The following RBM46 variants were observed in gnomAD, a reference collection of about 807,000 sequenced individuals.
RBM46 encodes probable RNA-binding protein 46.
In RBM46, 12 loss-of-function variants were observed where a neutral mutation model predicts 43.3. That is an observed-to-expected ratio of 0.28 (90% CI 0.18 to 0.45). The LOEUF is 0.45. Ranked by LOEUF, RBM46 falls within the 20% of genes least tolerant of loss-of-function variation. The pLI, the probability that RBM46 is intolerant of heterozygous loss-of-function variation, is 1.00. For missense variants in RBM46, 412 were observed against 639.1 expected (o/e 0.64, Z 3.83); for synonymous variants, 205 against 207.6 (o/e 0.99, Z 0.11).
chr4:154,797,019 A>T (rs13132063), intron 2 of RBM46, 116 bp downstream of exon 2: 22 of 617,300 alleles, frequency 3.6e-5, no homozygotes, highest in Non-Finnish European at 4.8e-5. Flanking sequence ...GCTTTAAGAC[A>T]TTTTTTTTTT....
At chr4:154,820,496 A>G in intron 4 of RBM46, 1 of 791,314 alleles carries the variant, frequency 1.3e-6, no homozygotes, top group Non-Finnish European at 1.9e-6. Context: ...CCAGTTTCAA[A>G]TTGTTCTTTA....
chr4:154,800,018 G>A (rs1215086122), intron 4 of RBM46, among the ~76,000 whole-genome samples: 4 of 152,136 alleles, frequency 2.6e-5, no homozygotes, highest in South Asian at 2.1e-4. Flanking sequence ...TGATCTGCCC[G>A]CCTCGGCCTC....
At chr4:154,818,788 G>A (rs1444089127) in intron 4 of RBM46, among the ~76,000 whole-genome samples, 2 of 152,028 alleles carry the variant, frequency 1.3e-5, no homozygotes, top group Non-Finnish European at 2.9e-5. Flanking sequence ...ATGTCAGTCT[G>A]TATATTTTCT....
chr4:154,794,656 C>T (rs963324729), intron 1 of RBM46, among the ~76,000 whole-genome samples: 1 of 152,144 alleles, frequency 6.6e-6, no homozygotes, highest in Non-Finnish European at 1.5e-5. Context: ...ATGCCAAGTA[C>T]ACCTTTATAT....
In RBM46 at chr4:154,798,989, T is replaced by C; in HGVS notation, c.827T>C (p.Val276Ala). The change falls in exon 4 of 5, where the codon GTT (valine) becomes GCT (alanine). Residue 276 changes from valine to alanine, a missense_variant. Val to Ala is a moderately conservative substitution (Grantham distance 64). This residue lies in a region of RBM46 where 54 missense variants were observed against 102.5 expected (regional missense o/e 0.53). Coordinates refer to ENST00000281722, the MANE Select transcript of RBM46 (RefSeq NM_144979.5). ...AAGAAACTTAGAGATTATGCTTTTG[T>C]TCACTTTTTCAACCGAGAAGATGCA... ...RVKKLRDYAF[V>A]HFFNREDAVA... 1 of 1,614,130 alleles carries C rather than the reference T, an allele frequency of 6.2e-7. No homozygotes were observed. The highest frequency in any genetic ancestry group is 8.5e-7 in the Non-Finnish European group (1 of 1,180,002).
At position 154,799,541 on chromosome 4, in the gene RBM46, C is replaced by A; in HGVS notation, c.1379C>A (p.Ala460Asp). The change falls in exon 4 of 5, where the codon GCC (alanine) becomes GAC (aspartate). Residue 460 changes from alanine (A) to aspartate (D), a missense_variant. By Grantham distance (126) the Ala-to-Asp change is moderately radical. This residue lies in a region of RBM46 where 149 missense variants were observed against 156.3 expected (regional missense o/e 0.95). Transcript: ENST00000281722. Reference sequence around the variant, plus strand: ...TTAGAAGATGCAAAGGAACTGGCAGCCCAGTTTACATTACTTCATTTGGGT... The same window carrying A: ...TTAGAAGATGCAAAGGAACTGGCAGACCAGTTTACATTACTTCATTTGGGT... ...TTLEDAKELA[A>D]QFTLLHLDYN... The A allele has an allele frequency of 6.4e-7, 1 of 1,566,580 alleles. No individual in the cohort carries two copies. Among genetic ancestry groups the A allele is most frequent in the Non-Finnish European group, 8.6e-7 (1 of 1,159,264 alleles).
At chr4:154,805,593 C>T (rs2111162415) in intron 4 of RBM46, among the ~76,000 whole-genome samples, 1 of 151,840 alleles carries the variant, frequency 6.6e-6, no homozygotes, top group East Asian at 1.9e-4. Context: ...GAAAGTTACA[C>T]TTTTGTGAAA....
At chr4:154,817,215 G>A (rs946171124) in intron 4 of RBM46, among the ~76,000 whole-genome samples, 3 of 151,680 alleles carry the variant, frequency 2.0e-5, no homozygotes, top group African/African-American at 7.3e-5. Flanking sequence ...TTTTGAATAT[G>A]TGGAATATTA....
chr4:154,799,400 A>T lies in RBM46; in HGVS notation c.1238A>T (p.Tyr413Phe), dbSNP rs748542286. The T allele has an allele frequency of 9.3e-6, 15 of 1,614,176 alleles. No individual in the cohort carries two copies. The highest frequency in any genetic ancestry group is 1.3e-5 in the Non-Finnish European group (15 of 1,180,022). Residue 413 changes from tyrosine (Y) to phenylalanine (F), a missense_variant, in exon 4 of 5, where the codon TAT becomes TTT. By Grantham distance (22) the Tyr-to-Phe change is conservative. This residue lies in a region of RBM46 where 149 missense variants were observed against 156.3 expected (regional missense o/e 0.95). Coordinates refer to ENST00000281722, the MANE Select transcript of RBM46 (RefSeq NM_144979.5). ...AATAACTGGGCACCACCAGAATATT[A>T]TTTATATTCAACAACAAGTCAAGAT... ...NKNNWAPPEYYLYSTTSQDGK... is the reference protein window; with the variant it reads ...NKNNWAPPEYFLYSTTSQDGK...
Position 154,796,921 on chromosome 4 carries a change from G to A in RBM46, c.151+18G>A. On this transcript the variant is annotated intron_variant, in intron 2 of 4. Coordinates refer to ENST00000281722, the MANE Select transcript of RBM46 (RefSeq NM_144979.5). ...TCCTCCAGGTGTGGATTTGTTTACAGTCTTTTAAATTTAATCTTTAACCTC... is the reference window on the plus strand; with the variant it reads ...TCCTCCAGGTGTGGATTTGTTTACAATCTTTTAAATTTAATCTTTAACCTC... 6.2e-7 allele frequency: 1 copy of A among 1,604,838 alleles called. No homozygotes were observed. The highest frequency in any genetic ancestry group is 8.5e-7 in the Non-Finnish European group (1 of 1,176,226).
chr4:154,781,716 C>G (rs1177670498), intron 1 of RBM46: 2 of 152,598 alleles, frequency 1.3e-5, no homozygotes, highest in South Asian at 4.1e-4. Flanking sequence ...CTGGCGGCCT[C>G]TTCCGCCCCG....
rs113960868 is a variant in RBM46 at position 154,785,089 on chromosome 4, G to GT, written c.-12+3662dup. 4.8e-3 allele frequency among the ~76,000 whole-genome samples: 728 copies of GT among 150,892 alleles called. 10 individuals are homozygous for GT. Among genetic ancestry groups the GT allele is most frequent in the African/African-American group, 0.016 (670 of 41,170 alleles). On this transcript the variant is annotated intron_variant, in intron 1 of 4. Coordinates refer to ENST00000281722, the MANE Select transcript of RBM46 (RefSeq NM_144979.5). ...TTGTTTTGGAGGCTTTGAGATAAGG[G>GT]TTTTTTTTTCTAAAGAGAATATAGG... is the stretch of plus-strand genomic sequence containing the variant.
intron 4 of RBM46, among the ~76,000 whole-genome samples, chr4:154,815,565 A>G (rs2111192736): frequency 6.6e-6 from 1 of 152,076 alleles, no homozygotes; most frequent in Admixed American, 6.5e-5. Context: ...TACGATATTG[A>G]TCATCTTAGG....
chr4:154,815,852 G>A (rs1250282645), intron 4 of RBM46, among the ~76,000 whole-genome samples: 6 of 151,894 alleles, frequency 4.0e-5, no homozygotes, highest in African/African-American at 1.5e-4. Context: ...TCACCACAGG[G>A]TCATGAAATA....
At chr4:154,804,715 T>A (rs17032061) in intron 4 of RBM46, among the ~76,000 whole-genome samples, 15,642 of 152,050 alleles carry the variant, frequency 0.1, 1,694 homozygotes, top group African/African-American at 0.27. Flanking sequence ...TATTGGAAAA[T>A]TTTTAAAACA....
rs1052426102 is a variant in RBM46, at chr4:154,820,284, C to T, written c.1403-7584C>T. On this transcript the variant is annotated intron_variant, in intron 4 of 4. Coordinates refer to ENST00000281722, the MANE Select transcript of RBM46 (RefSeq NM_144979.5). ...ATCAAAAGGTTTTTAACTAAAGTTA[C>T]CAAGGATTCCATGCACTTCCAAGAT... 20 of 871,952 alleles carry T rather than the reference C, an allele frequency of 2.3e-5. No homozygotes were observed. The African/African-American group carries it at 2.5e-4, about 11-fold the overall frequency. The allele number at this position is 871,952 out of a possible 1,614,324, so 54.0% of individuals were successfully genotyped here. A position where few individuals can be genotyped will look rare whatever the true frequency, so the allele number is the denominator to read the frequency against.
Position 154,798,013 on chromosome 4 carries a change from C to G in RBM46, c.354C>G (p.Ile118Met). ...CAAAAGAAGAAGCCCAATTAGCCAT[C>G]AGAATTCTTAATAATTATGAAATTC... Reference protein sequence around the residue: ...YTTKEEAQLAIRILNNYEIRP... With the variant: ...YTTKEEAQLAMRILNNYEIRP... Residue 118 changes from isoleucine to methionine, a missense_variant, in exon 3 of 5, where the codon ATC becomes ATG. Ile to Met is a conservative substitution (Grantham distance 10). Transcript: ENST00000281722. 1 of 1,613,444 alleles carries G rather than the reference C, an allele frequency of 6.2e-7. No homozygotes were observed. Among genetic ancestry groups the G allele is most frequent in the Non-Finnish European group, 8.5e-7 (1 of 1,179,870 alleles).
chr4:154,815,452 T>G (rs2111192468), intron 4 of RBM46, among the ~76,000 whole-genome samples: 1 of 152,168 alleles, frequency 6.6e-6, no homozygotes, highest in Non-Finnish European at 1.5e-5. Flanking sequence ...GTTCCAGTTG[T>G]TTCACATTCT....
chr4:154,796,937 C>T (rs760204169), intron 2 of RBM46, 34 bp downstream of exon 2: 1 of 1,582,350 alleles, frequency 6.3e-7, no homozygotes, highest in Non-Finnish European at 8.6e-7. Context: ...TAAATTTAAT[C>T]TTTAACCTCG....
Sources: allele counts gnomAD v4.1 joint callset (sites outside exome capture counted in the v4.1 genomes callset), GRCh38; gene constraint gnomAD v4.1.1; regional missense constraint gnomAD v4.1.1; transcripts MANE v1.5; gene names NCBI Gene and HGNC (gene_info 2026-07-23, HGNC 2026-07-21).